Variants in TMEM245 observed in about 807,000 individuals in gnomAD.
TMEM245 encodes the protein transmembrane protein 245.
A neutral mutation model predicts 101.2 loss-of-function variants in TMEM245; 69 were observed. That is an observed-to-expected ratio of 0.68 (90% confidence interval 0.56 to 0.83). The LOEUF (loss-of-function observed/expected upper bound fraction) is 0.83, where lower values mean the gene tolerates loss of function less well. TMEM245 is among the 40% of genes least tolerant of loss of function. The pLI is 0.00. For synonymous variants in TMEM245, 537 were observed against 449.8 expected (o/e 1.19, Z -2.45); for missense variants, 1,075 against 1,092.8 (o/e 0.98, Z 0.23).
intron 5 of TMEM245, among the ~76,000 whole-genome samples, chr9:109,089,143 C>T (rs529143885): frequency 2.6e-4 from 40 of 151,932 alleles, no homozygotes; most frequent in Middle Eastern, 6.8e-3. Context: ...CACCTGTAGT[C>T]TCAGCTATCT....
intron 16 of TMEM245, chr9:109,035,991 C>CAA (rs59613050): frequency 2.8e-4 from 37 of 130,228 alleles, no homozygotes; most frequent in South Asian, 5.4e-4. Flanking sequence ...CAACAACAAC[C>CAA]AAAAAAAAAA....
intron 5 of TMEM245, 126 bp downstream of exon 5, chr9:109,090,796 G>T: frequency 2.6e-6 from 2 of 781,276 alleles, no homozygotes; most frequent in Non-Finnish European, 2.0e-6. Flanking sequence ...CTATTTAAAT[G>T]CAAACATAAG....
chr9:109,050,057 T>G (rs1425823606), intron 14 of TMEM245, among the ~76,000 whole-genome samples: 1 of 152,218 alleles, frequency 6.6e-6, no homozygotes, highest in Non-Finnish European at 1.5e-5. Flanking sequence ...CAATCTCAAT[T>G]GCTGGAATTA....
At chr9:109,040,571 C>T (rs143703744) in intron 14 of TMEM245, among the ~76,000 whole-genome samples, 6 of 152,266 alleles carry the variant, frequency 3.9e-5, no homozygotes, top group East Asian at 3.9e-4. Context: ...TAGAATTTCA[C>T]GTAAACACAA....
chr9:109,115,717 A>G (rs1830707487), intron 1 of TMEM245, among the ~76,000 whole-genome samples: 1 of 151,706 alleles, frequency 6.6e-6, no homozygotes, highest in Non-Finnish European at 1.5e-5. Context: ...TTTAGTAGAG[A>G]CGGGGTTTCA....
chr9:109,084,622 G>A (rs976265602), intron 7 of TMEM245, among the ~76,000 whole-genome samples: 3 of 152,192 alleles, frequency 2.0e-5, no homozygotes, highest in Non-Finnish European at 2.9e-5. Context: ...CACAGTTGCA[G>A]TGAGCTTTCA....
intron 3 of TMEM245, among the ~76,000 whole-genome samples, chr9:109,098,718 T>A (rs1035574326): frequency 7.2e-5 from 11 of 152,062 alleles, no homozygotes; most frequent in African/African-American, 2.2e-4. Flanking sequence ...ATCTTGGGAC[T>A]CAAGGACTAA....
At chr9:109,097,983 C>T (rs1339574224) in intron 3 of TMEM245, among the ~76,000 whole-genome samples, 1 of 152,092 alleles carries the variant, frequency 6.6e-6, no homozygotes, top group Non-Finnish European at 1.5e-5. Context: ...TAAATGTTAG[C>T]TATCATCATC....
chr9:109,046,676 AGAT>A (rs1447410282), intron 14 of TMEM245, among the ~76,000 whole-genome samples: 2 of 152,238 alleles, frequency 1.3e-5, no homozygotes, highest in African/African-American at 4.8e-5. Flanking sequence ...GCTGCAACAT[AGAT>A]GATGATTAAT....
rs751830988 is a variant in TMEM245, at chr9:109,033,426, G to A, written c.2475C>T (p.Ile825=). ...CAAGTATGCAGAGAAGAATAGGACCGATGATTGCTCCTTCCAGGCCTAGGT... is the reference window on the plus strand; with the variant it reads ...CAAGTATGCAGAGAAGAATAGGACCAATGATTGCTCCTTCCAGGCCTAGGT... ...AYYLGLEGAI[I]GPILLCILVV... Residue 825 remains isoleucine, a synonymous_variant, in exon 17 of 18, where the codon ATC becomes ATT. Coordinates refer to ENST00000374586, the MANE Select transcript of TMEM245 (RefSeq NM_032012.4). 3.5e-5 allele frequency: 56 copies of A among 1,613,940 alleles called. No homozygotes were observed. Among genetic ancestry groups the A allele is most frequent in the Admixed American group, 1.3e-4 (8 of 59,980 alleles).
At position 109,050,314 on chromosome 9, in the gene TMEM245, T is replaced by C. The variant is rs776372718; in HGVS notation, c.2092A>G (p.Ile698Val). 1.2e-6 allele frequency: 2 copies of C among 1,614,100 alleles called. No homozygotes were observed. The change falls in exon 14 of 18, where the codon ATT becomes GTT. Residue 698 changes from isoleucine to valine, a missense_variant. Physicochemically the swap from Ile to Val is conservative, Grantham distance 29. Transcript: ENST00000374586. ...GCTTCTTCCACAGACTGGCCAATAA[T>C]ATTAGAAGAAGGACCTGGCTGAGAT... ...PLSQPGPSSNIIGQSVEEAIR... is the reference protein window; with the variant it reads ...PLSQPGPSSNVIGQSVEEAIR...
At chr9:109,108,264 TAA>T (rs1830478253) in intron 2 of TMEM245, among the ~76,000 whole-genome samples, 187 bp downstream of exon 2, 1 of 152,072 alleles carries the variant, frequency 6.6e-6, no homozygotes, top group African/African-American at 2.4e-5. Context: ...TGAACATAAT[TAA>T]AGACATTTTA....
At chr9:109,105,611 A>T (rs1830389951) in intron 3 of TMEM245, among the ~76,000 whole-genome samples, 1 of 152,240 alleles carries the variant, frequency 6.6e-6, no homozygotes, top group South Asian at 2.1e-4. Flanking sequence ...CCATCAACTG[A>T]TGAGTAAATA....
chr9:109,033,504 G>T lies in TMEM245; in HGVS notation c.2400-3C>A. On this transcript the variant is annotated splice_polypyrimidine_tract_variant and splice_region_variant and intron_variant, in intron 16 of 17. Transcript: ENST00000374586. ...CTGTCAGGTAAGGATGGCCACCTCT[G>T]GAATAAAGAGCACGACCTTTAACAC... 2 of 1,583,164 alleles carry T rather than the reference G, an allele frequency of 1.3e-6. No individual in the cohort carries two copies. The highest frequency in any genetic ancestry group is 1.4e-5 in the African/African-American group (1 of 73,620).
chr9:109,053,600 A>G (rs1368062063), intron 12 of TMEM245, among the ~76,000 whole-genome samples: 1 of 152,240 alleles, frequency 6.6e-6, no homozygotes, highest in Non-Finnish European at 1.5e-5. Context: ...GTGGTCATGA[A>G]CGGTGGTCTC....
rs764264515 is a variant in TMEM245, at chr9:109,020,498, G to A, written c.2602C>T (p.Arg868Cys). 5.8e-5 allele frequency: 94 copies of A among 1,613,676 alleles called. No individual in the cohort carries two copies. The highest frequency in any genetic ancestry group is 4.3e-4 in the South Asian group (39 of 91,080). ...PWPAQPQRTF[R>C]DISEDLKSSV... Reference sequence around the variant, plus strand: ...GATTTCAGATCTTCAGAAATGTCACGGAAAGTCCTAAAAGAAAAAAAGACG... The same window carrying A: ...GATTTCAGATCTTCAGAAATGTCACAGAAAGTCCTAAAAGAAAAAAAGACG... The change falls in exon 18 of 18, where the codon CGT becomes TGT. Residue 868 changes from arginine (R) to cysteine (C), a missense_variant. By Grantham distance (180) the Arg-to-Cys change is radical (BLOSUM62 -3). Coordinates refer to ENST00000374586, the MANE Select transcript of TMEM245 (RefSeq NM_032012.4).
At position 109,033,208 on chromosome 9, in the gene TMEM245, C is replaced by T. The variant is rs1033222905; in HGVS notation, c.2594+99G>A. The T allele has an allele frequency of 4.6e-5, 60 of 1,297,636 alleles. No individual in the cohort carries two copies. The Admixed American group carries it at 1.5e-3, about 32-fold the overall frequency. 80.4% of individuals were successfully genotyped at this position (1,297,636 alleles called of 1,614,324 possible). A position where few individuals can be genotyped will look rare whatever the true frequency, so the allele number is the denominator to read the frequency against. ...TTATCACAGCATTGGTACTCAAATACCTTTATCCTGACAAGTCTGGATGAA... is the reference window on the plus strand; with the variant it reads ...TTATCACAGCATTGGTACTCAAATATCTTTATCCTGACAAGTCTGGATGAA... On this transcript the variant is annotated intron_variant, in intron 17 of 17. Transcript: ENST00000374586.
At chr9:109,087,497 T>A (rs562129801) in intron 5 of TMEM245, among the ~76,000 whole-genome samples, 155 bp from the exon 6 acceptor site, 37 of 152,290 alleles carry the variant, frequency 2.4e-4, no homozygotes, top group Non-Finnish European at 4.7e-4. Context: ...CTCAAAGTAC[T>A]CCCCACACAG....
chr9:109,085,012 A>T (rs781558477), intron 7 of TMEM245, among the ~76,000 whole-genome samples: 1 of 152,340 alleles, frequency 6.6e-6, no homozygotes, highest in East Asian at 1.9e-4. Context: ...GCCTGATATA[A>T]TATTTCCACA....
Sources: gnomAD v4.1 joint callset for allele counts (sites outside exome capture counted in the v4.1 genomes callset) on GRCh38, gnomAD v4.1.1 for gene constraint, MANE v1.5 for transcripts, NCBI Gene and HGNC (gene_info 2026-07-23, HGNC 2026-07-21) for gene names.